SYNPR: variants seen among roughly 807,000 people sequenced by gnomAD.
SYNPR encodes synaptoporin.
In SYNPR, 23 loss-of-function variants were observed where a neutral mutation model predicts 32.9. The observed-to-expected ratio is 0.70, with a 90% CI of 0.50 to 0.99. SYNPR has a LOEUF of 0.99. Ranked by LOEUF, SYNPR falls within the 50% of genes least tolerant of loss-of-function variation. SYNPR has a pLI of 0.00. For missense variants in SYNPR, 318 were observed against 349.3 expected (o/e 0.91, Z 0.71); for synonymous variants, 146 against 135.9 (o/e 1.07, Z -0.52).
chr3:63,219,576 T>TA, the SYNPR span, among the ~76,000 whole-genome samples: 2 of 152,326 alleles, frequency 1.3e-5, no homozygotes, highest in East Asian at 3.9e-4. Context: ...ACTAATAGCC[T>TA]ACTGCTGACC....
chr3:63,576,790 CAAAA>C, intron 4 of SYNPR, among the ~76,000 whole-genome samples: 1 of 76,408 alleles, frequency 1.3e-5, no homozygotes, highest in African/African-American at 4.6e-5. Flanking sequence ...GAATACGTCT[CAAAA>C]AAAAAAAAAA....
chr3:63,302,341 G>A, intron 2 of SYNPR, among the ~76,000 whole-genome samples: 1 of 152,004 alleles, frequency 6.6e-6, no homozygotes. Flanking sequence ...ACACTTTAGA[G>A]TTTTCCTTAT....
At chr3:63,267,635 A>G (rs934820891) in intron 3 of SYNPR, among the ~76,000 whole-genome samples, 1 of 152,180 alleles carries the variant, frequency 6.6e-6, no homozygotes, top group African/African-American at 2.4e-5. Flanking sequence ...ACACCAGGAG[A>G]GAAAGAAGCA....
Position 63,388,036 on chromosome 3 carries a change from G to A in SYNPR, c.85-92796G>A, listed in dbSNP as rs965517906. 3.9e-5 allele frequency among the ~76,000 whole-genome samples: 6 copies of A among 152,126 alleles called. No individual in the cohort carries two copies. The South Asian group carries it at 6.2e-4, about 16-fold the overall frequency. Reference sequence around the variant, plus strand: ...GTCACAGGAAAGATAGCAGCTGAGCGGACCCTGCAGGGAGTTCTAAAGGCA... The same window carrying A: ...GTCACAGGAAAGATAGCAGCTGAGCAGACCCTGCAGGGAGTTCTAAAGGCA... On this transcript the variant is annotated intron_variant, in intron 2 of 5. Transcript: ENST00000478300.
chr3:63,418,370 G>T (rs960328312), intron 2 of SYNPR, among the ~76,000 whole-genome samples: 8 of 152,132 alleles, frequency 5.3e-5, no homozygotes, highest in African/African-American at 1.7e-4. Flanking sequence ...TCTCTAGGAA[G>T]TTCCAAACTG....
At chr3:63,292,713 A>C (rs185411076) in intron 2 of SYNPR, among the ~76,000 whole-genome samples, 15 of 152,358 alleles carry the variant, frequency 9.8e-5, no homozygotes, top group Non-Finnish European at 1.9e-4. Context: ...TTTTACTGCA[A>C]AACTTTGCAA....
At chr3:63,452,815 C>T (rs781548868) in intron 2 of SYNPR, among the ~76,000 whole-genome samples, 28 of 152,048 alleles carry the variant, frequency 1.8e-4, no homozygotes, top group Non-Finnish European at 4.0e-4. Flanking sequence ...GAAAAGTTGA[C>T]ATTAAATATT....
intron 4 of SYNPR, among the ~76,000 whole-genome samples, chr3:63,576,573 C>T (rs569028554): frequency 1.1e-4 from 16 of 151,902 alleles, no homozygotes; most frequent in South Asian, 2.1e-4. Flanking sequence ...AGGCGGATCA[C>T]GAGGTCAGGA....
At chr3:63,374,220 G>A in intron 2 of SYNPR, among the ~76,000 whole-genome samples, 1 of 152,132 alleles carries the variant, frequency 6.6e-6, no homozygotes, top group South Asian at 2.1e-4. Flanking sequence ...TTCCTTTAAT[G>A]CCTAATTTGT....
intron 2 of SYNPR, among the ~76,000 whole-genome samples, chr3:63,444,075 A>G (rs1316936557): frequency 6.6e-6 from 1 of 152,196 alleles, no homozygotes; most frequent in Non-Finnish European, 1.5e-5. Context: ...AAAAGCTACA[A>G]TCACAAGTGG....
intron 4 of SYNPR, among the ~76,000 whole-genome samples, chr3:63,557,668 C>T (rs191557312): frequency 4.5e-4 from 68 of 152,216 alleles, no homozygotes; most frequent in African/African-American, 1.4e-3. Flanking sequence ...AAATAATTTT[C>T]GGTGACATGT....
intron 2 of SYNPR, among the ~76,000 whole-genome samples, chr3:63,305,474 G>A (rs139845758): frequency 3.9e-5 from 6 of 152,092 alleles, no homozygotes; most frequent in Non-Finnish European, 7.4e-5. Context: ...TTGAAAGCTT[G>A]TTGAATATTT....
At chr3:63,447,710 T>G (rs2107170626) in intron 2 of SYNPR, among the ~76,000 whole-genome samples, 1 of 152,234 alleles carries the variant, frequency 6.6e-6, no homozygotes, top group Admixed American at 6.5e-5. Flanking sequence ...CTCTGCAGAC[T>G]AATGGATCTG....
intron 2 of SYNPR, among the ~76,000 whole-genome samples, chr3:63,321,307 T>C (rs1443568361): frequency 2.6e-5 from 4 of 152,098 alleles, no homozygotes; most frequent in African/African-American, 9.7e-5. Flanking sequence ...AAACATTTTT[T>C]ATAGTAGAAC....
At chr3:63,285,974 G>C (rs1442853464) in intron 2 of SYNPR, among the ~76,000 whole-genome samples, 1 of 152,334 alleles carries the variant, frequency 6.6e-6, no homozygotes. Context: ...GATGAAAAGG[G>C]AGAAAGTAGA....
chr3:63,601,419 G>A (rs1015302433), intron 4 of SYNPR, among the ~76,000 whole-genome samples: 7 of 152,040 alleles, frequency 4.6e-5, no homozygotes, highest in Admixed American at 1.3e-4. Context: ...TGCATGTCAC[G>A]GGGGCTTGGT....
At chr3:63,284,302 G>T (rs1484056981) in intron 2 of SYNPR, among the ~76,000 whole-genome samples, 1 of 152,156 alleles carries the variant, frequency 6.6e-6, no homozygotes, top group Non-Finnish European at 1.5e-5. Flanking sequence ...AACTACACTG[G>T]TGCAGACTTA....
At chr3:63,485,182 C>T (rs1701122934) in intron 3 of SYNPR, among the ~76,000 whole-genome samples, 1 of 151,852 alleles carries the variant, frequency 6.6e-6, no homozygotes. Flanking sequence ...CCAAGAGAGA[C>T]AGAATGGGAA....
At chr3:63,319,326 G>T (rs1235741261) in intron 2 of SYNPR, among the ~76,000 whole-genome samples, 1 of 151,904 alleles carries the variant, frequency 6.6e-6, no homozygotes, top group East Asian at 1.9e-4. Context: ...GGTTATTATA[G>T]CTTTGTATTA....
Sources: allele counts gnomAD v4.1 joint callset (sites outside exome capture counted in the v4.1 genomes callset), GRCh38; gene constraint gnomAD v4.1.1; transcripts MANE v1.5; gene names NCBI Gene and HGNC (gene_info 2026-07-23, HGNC 2026-07-21).